DOCK8: variants seen among roughly 807,000 people sequenced by gnomAD.
DOCK8 encodes dedicator of cytokinesis 8.
DOCK8 carries 141 observed loss-of-function variants against 245.6 expected under a neutral mutation model. The ratio of observed to expected loss-of-function variants is 0.57; its 90% confidence interval spans 0.50 to 0.66. The LOEUF (loss-of-function observed/expected upper bound fraction) is 0.66. Ranked by LOEUF, DOCK8 falls within the 30% of genes least tolerant of loss-of-function variation. DOCK8 has a pLI of 0.00. For missense variants in DOCK8, 2,965 were observed against 2,603.4 expected (o/e 1.14, Z -3.02); for synonymous variants, 1,168 against 970.2 (o/e 1.20, Z -3.79).
intron 7 of DOCK8, among the ~76,000 whole-genome samples, chr9:318,721 G>T (rs1427504524): frequency 6.6e-6 from 1 of 152,242 alleles, no homozygotes; most frequent in Non-Finnish European, 1.5e-5. Flanking sequence ...GGCAGTGGGA[G>T]CTTCCTCATC....
intron 28 of DOCK8, among the ~76,000 whole-genome samples, chr9:411,821 A>G (rs1263591474): frequency 6.6e-6 from 1 of 152,234 alleles, no homozygotes; most frequent in Admixed American, 6.5e-5. Flanking sequence ...TTAATAAAAT[A>G]AAGGACAAAA....
At chr9:438,701 A>G (rs1347608073) in intron 39 of DOCK8, among the ~76,000 whole-genome samples, 1 of 152,276 alleles carries the variant, frequency 6.6e-6, no homozygotes, top group Non-Finnish European at 1.5e-5. Context: ...CATGGAAACA[A>G]AATGTTCAGG....
At chr9:260,924 G>A (rs904495501) in intron 1 of DOCK8, among the ~76,000 whole-genome samples, 1 of 152,048 alleles carries the variant, frequency 6.6e-6, no homozygotes, top group Non-Finnish European at 1.5e-5. Flanking sequence ...TCCCATTTGT[G>A]TAAATAAAAA....
At position 420,929 on chromosome 9, in the gene DOCK8, C is replaced by G; in HGVS notation, c.4024-20C>G. 1.9e-6 allele frequency: 3 copies of G among 1,614,126 alleles called. No individual in the cohort carries two copies. The highest frequency in any genetic ancestry group is 2.5e-6 in the Non-Finnish European group (3 of 1,180,016). ...GAGATCTCACCAAAGGACATGTCCT[C>G]CTACCTCTGTCTTGTCCAGGGAAAA... On this transcript the variant is annotated intron_variant, in intron 31 of 47. Transcript: ENST00000432829.
At chr9:265,293 G>A (rs2048011687) in intron 1 of DOCK8, among the ~76,000 whole-genome samples, 1 of 152,184 alleles carries the variant, frequency 6.6e-6, no homozygotes, top group Non-Finnish European at 1.5e-5. Context: ...GAAGTTTGGG[G>A]AGAGGGGTGT....
intron 45 of DOCK8, 39 bp downstream of exon 45, chr9:449,966 T>A: frequency 6.2e-7 from 1 of 1,610,618 alleles, no homozygotes; most frequent in Non-Finnish European, 8.5e-7. Flanking sequence ...CTGGTTCTTA[T>A]TATTTAGGTT....
At chr9:372,336 G>A (rs777381890) in intron 18 of DOCK8, 50 bp downstream of exon 18, 1 of 1,451,862 alleles carries the variant, frequency 6.9e-7, no homozygotes. Flanking sequence ...TGTAGTCTTG[G>A]ACCACCTTCC....
chr9:264,455 T>G (rs2047991367), intron 1 of DOCK8, among the ~76,000 whole-genome samples: 2 of 152,216 alleles, frequency 1.3e-5, no homozygotes, highest in Non-Finnish European at 2.9e-5. Flanking sequence ...GTTGAATCCG[T>G]TTTATGGAAG....
intron 14 of DOCK8, among the ~76,000 whole-genome samples, chr9:367,495 CTTA>C (rs913458825): frequency 1.4e-5 from 2 of 148,094 alleles, no homozygotes; most frequent in Non-Finnish European, 2.9e-5. Context: ...ATATATTATT[CTTA>C]TTGTTGTTGT....
At chr9:304,444 G>C in intron 4 of DOCK8, 137 bp from the exon 5 acceptor site, 1 of 1,142,058 alleles carries the variant, frequency 8.8e-7, no homozygotes, top group Non-Finnish European at 1.3e-6. Context: ...TAAATGTGAG[G>C]AATTATAATT....
chr9:425,538 CAAA>C (rs35853132), intron 33 of DOCK8, among the ~76,000 whole-genome samples: 1 of 54,364 alleles, frequency 1.8e-5, no homozygotes, highest in Admixed American at 2.0e-4. Flanking sequence ...GACTCCGTCT[CAAA>C]AAAAAAAAAA....
At chr9:400,044 C>CACCTCCACCACCAGCACT (rs796538594) in intron 26 of DOCK8, among the ~76,000 whole-genome samples, 1 of 92,748 alleles carries the variant, frequency 1.1e-5, no homozygotes, top group Non-Finnish European at 2.2e-5. Flanking sequence ...CCACCACCAC[C>CACCTCCACCACCAGCACT]TCCACCATCA....
intron 20 of DOCK8, among the ~76,000 whole-genome samples, chr9:377,701 T>C (rs2053577492): frequency 6.6e-6 from 1 of 152,240 alleles, no homozygotes; most frequent in South Asian, 2.1e-4. Flanking sequence ...TGTGCAATGA[T>C]CGCTACAATC....
intron 1 of DOCK8, among the ~76,000 whole-genome samples, chr9:225,012 C>A (rs1305123142): frequency 6.6e-6 from 1 of 152,160 alleles, no homozygotes; most frequent in African/African-American, 2.4e-5. Context: ...CACAGATCCC[C>A]TTAGATGGGG....
At chr9:341,535 C>G (rs1399282308) in intron 14 of DOCK8, among the ~76,000 whole-genome samples, 1 of 152,204 alleles carries the variant, frequency 6.6e-6, no homozygotes, top group African/African-American at 2.4e-5. Flanking sequence ...CTTTTATCCC[C>G]AGTCTCCAGT....
intron 4 of DOCK8, among the ~76,000 whole-genome samples, chr9:291,143 A>T (rs2049021273): frequency 6.6e-6 from 1 of 152,212 alleles, no homozygotes; most frequent in Non-Finnish European, 1.5e-5. Flanking sequence ...AGATCTAAAA[A>T]AAATCTGAGA....
intron 28 of DOCK8, 69 bp downstream of exon 28, chr9:407,138 T>G: frequency 1.2e-6 from 2 of 1,601,930 alleles, no homozygotes; most frequent in South Asian, 2.2e-5. Context: ...AAATTTGCAG[T>G]CTAGCTTCTC....
intron 1 of DOCK8, among the ~76,000 whole-genome samples, chr9:236,542 T>C (rs552360709): frequency 6.6e-6 from 1 of 152,344 alleles, no homozygotes; most frequent in Admixed American, 6.5e-5. Flanking sequence ...ACTTCCACTA[T>C]GGCATCATAG....
intron 9 of DOCK8, among the ~76,000 whole-genome samples, chr9:330,970 C>G (rs1028244443): frequency 5.9e-5 from 9 of 152,200 alleles, no homozygotes; most frequent in Non-Finnish European, 1.3e-4. Context: ...TTCCATGATA[C>G]ACACTACTAG....
Sources: gnomAD v4.1 joint callset for allele counts (sites outside exome capture counted in the v4.1 genomes callset) on GRCh38, gnomAD v4.1.1 for gene constraint, MANE v1.5 for transcripts, NCBI Gene and HGNC (gene_info 2026-07-23, HGNC 2026-07-21) for gene names.